CASKIN2: variants seen among roughly 807,000 people sequenced by gnomAD.
CASKIN2 encodes caskin-2.
CASKIN2 carries 41 observed loss-of-function variants against 107.1 expected under a neutral mutation model. The observed-to-expected ratio is 0.38, with a 90% CI of 0.30 to 0.50. The LOEUF is 0.50. Ranked by LOEUF, CASKIN2 falls within the 20% of genes least tolerant of loss-of-function variation. CASKIN2 has a pLI of 0.92. For synonymous variants in CASKIN2, 724 were observed against 705.6 expected, an observed-to-expected ratio of 1.03 and a Z score of -0.41; for missense variants, 1,546 against 1,657.4, an observed-to-expected ratio of 0.93 and a Z score of 1.17.
chr17:75,503,541 G>T lies in CASKIN2; in HGVS notation c.1681-14C>A, dbSNP rs375880377. Reference sequence around the variant, plus strand: ...CAGCAGGTCCGTCTGGAAGAGCACCGTCCTCAGAACAACTCCCAGCCAGCC... The same window carrying T: ...CAGCAGGTCCGTCTGGAAGAGCACCTTCCTCAGAACAACTCCCAGCCAGCC... On this transcript the variant is annotated splice_polypyrimidine_tract_variant and intron_variant, in intron 16 of 19. Transcript: ENST00000321617. The T allele has an allele frequency of 6.2e-7, 1 of 1,606,016 alleles. No homozygotes were observed. The highest frequency in any genetic ancestry group is 1.7e-5 in the Admixed American group (1 of 59,918).
At position 75,506,820 on chromosome 17, in the gene CASKIN2, G is replaced by A. The variant is rs1279226244; in HGVS notation, c.465C>T (p.Ala155=). 25 of 1,613,654 alleles carry A rather than the reference G, an allele frequency of 1.5e-5. No homozygotes were observed. Among genetic ancestry groups the A allele is most frequent in the Non-Finnish European group, 1.9e-5 (22 of 1,179,956 alleles). ...NKAKKTPLDL[A]CEFGRLKVAQ... is the part of the protein sequence containing the mutation. ...TCACCTTGAGTCGGCCAAATTCACA[G>A]GCCAGGTCCAGGGGCGTCTTCTTGG... Residue 155 remains alanine, a synonymous_variant, in exon 6 of 20, where the codon GCC becomes GCT. Transcript: ENST00000321617. This position sits in a 1 kb window ranked among gnomAD's most constrained non-coding sequence, Gnocchi z 4.8.
Position 75,503,505 on chromosome 17 carries a change from C to T in CASKIN2, c.1703G>A (p.Cys568Tyr), listed in dbSNP as rs1292765064. The T allele has an allele frequency of 1.9e-6, 3 of 1,611,314 alleles. No individual in the cohort carries two copies. Among genetic ancestry groups the T allele is most frequent in the Non-Finnish European group, 2.5e-6 (3 of 1,179,674 alleles). The change falls in exon 17 of 20, where the codon TGT becomes TAT. Residue 568 changes from cysteine to tyrosine, a missense_variant. This residue lies in a region of CASKIN2 where 1,311 missense variants were observed against 1,311.0 expected (regional missense o/e 1.00). Transcript: ENST00000321617. ...YIPTDLLEWL[C>Y]ALGLPQYHKQ... ...GTGGTACTGTGGCAGCCCCAGTGCA[C>T]ACAGCCACTCCAGCAGGTCCGTCTG...
In CASKIN2 at chr17:75,505,207, C is replaced by T. The variant is rs1348044363; in HGVS notation, c.931-134G>A. On this transcript the variant is annotated intron_variant, in intron 10 of 19. Coordinates refer to ENST00000321617, the MANE Select transcript of CASKIN2 (RefSeq NM_020753.5). The surrounding 1 kb of genome is among the most constrained non-coding windows in gnomAD (Gnocchi z 5.1). ...CCCCTAAGGAGCTGGCCTCTGATGCCCACACTGGCCCAAGTTCCGCCCCTG... is the reference window on the plus strand; with the variant it reads ...CCCCTAAGGAGCTGGCCTCTGATGCTCACACTGGCCCAAGTTCCGCCCCTG... 1 of 990,506 alleles carries T rather than the reference C, an allele frequency of 1.0e-6. No homozygotes were observed. Among genetic ancestry groups the T allele is most frequent in the African/African-American group, 1.6e-5 (1 of 62,658 alleles). The allele number at this position is 990,506 out of a possible 1,614,324, so 61.4% of individuals were successfully genotyped here.
chr17:75,502,903 G>A lies in CASKIN2; in HGVS notation c.2171C>T (p.Pro724Leu). 1 of 1,547,788 alleles carries A rather than the reference G, an allele frequency of 6.5e-7. No homozygotes were observed. Among genetic ancestry groups the A allele is most frequent in the Non-Finnish European group, 8.7e-7 (1 of 1,146,268 alleles). The change falls in exon 18 of 20, where the codon CCC becomes CTC. Residue 724 changes from proline (P) to leucine (L), a missense_variant. Physicochemically the swap from Pro to Leu is moderately conservative, Grantham distance 98. Coordinates refer to ENST00000321617, the MANE Select transcript of CASKIN2 (RefSeq NM_020753.5). The surrounding 1 kb of genome is among the most constrained non-coding windows in gnomAD (Gnocchi z 4.3). ...QPAPQPSGGDPSPPQERNLPE... is the reference protein window; with the variant it reads ...QPAPQPSGGDLSPPQERNLPE... ...GAGGTTCCTCTCCTGGGGGGGGCTG[G>A]GATCTCCACCGCTGGGCTGTGGGGC...
chr17:75,514,237 T>C, intron 1 of CASKIN2, 29 bp from the exon 2 acceptor site: 1 of 433,902 alleles, frequency 2.3e-6, no homozygotes. Context: ...CTCTGTCGAA[T>C]GCTGGGCCAC....
At position 75,503,877 on chromosome 17, in the gene CASKIN2, G is replaced by A. The variant is rs775216039; in HGVS notation, c.1553C>T (p.Pro518Leu). ...CTCAGGTGTCATGCGGCTGATGGTA[G>A]GCACATCATAGCCGGCCTGCAGAAA... ...AHFLQAGYDV[P>L]TISRMTPEDL... Residue 518 changes from proline (P) to leucine (L), a missense_variant, in exon 15 of 20, where the codon CCT (proline) becomes CTT (leucine). This residue lies in a region of CASKIN2 where 1,311 missense variants were observed against 1,311.0 expected (regional missense o/e 1.00). Coordinates refer to ENST00000321617, the MANE Select transcript of CASKIN2 (RefSeq NM_020753.5). 3.7e-6 allele frequency: 6 copies of A among 1,612,692 alleles called. No individual in the cohort carries two copies. In the East Asian group the frequency reaches 1.1e-4, roughly 30 times the overall value.
chr17:75,501,337 C>T (rs1200434736), intron 19 of CASKIN2, 131 bp downstream of exon 19: 4 of 1,237,028 alleles, frequency 3.2e-6, no homozygotes, highest in Non-Finnish European at 4.6e-6. Flanking sequence ...TAGGTGATTT[C>T]AACACCTGGC....
intron 2 of CASKIN2, among the ~76,000 whole-genome samples, chr17:75,512,561 C>CAA (rs1256934540): frequency 2.0e-5 from 3 of 152,160 alleles, no homozygotes; most frequent in Non-Finnish European, 4.4e-5. Flanking sequence ...GAAACTTTAG[C>CAA]AACTTGTTAG....
Position 75,514,070 on chromosome 17 carries a change from G to C in CASKIN2, c.-266C>G, listed in dbSNP as rs1598471373. 1 of 578,648 alleles carries C rather than the reference G, an allele frequency of 1.7e-6. No homozygotes were observed. The highest frequency in any genetic ancestry group is 2.8e-5 in the East Asian group (1 of 35,628). The allele number at this position is 578,648 out of a possible 1,614,324, so 35.8% of individuals were successfully genotyped here. A position where few individuals can be genotyped will look rare whatever the true frequency, so the allele number is the denominator to read the frequency against. ...GAAATCTGGATGGATATCAGCTTGT[G>C]GCTTCCGACAGCTCCAGGATGGGCT... On this transcript the variant is annotated 5_prime_UTR_variant, in exon 2 of 20. Coordinates refer to ENST00000321617, the MANE Select transcript of CASKIN2 (RefSeq NM_020753.5).
rs777200616 is a variant in CASKIN2, at chr17:75,504,832, C to T, written c.1172G>A (p.Gly391Asp). 5.0e-6 allele frequency: 8 copies of T among 1,610,908 alleles called. No individual in the cohort carries two copies. Among genetic ancestry groups the T allele is most frequent in the Non-Finnish European group, 6.8e-6 (8 of 1,179,166 alleles). ...TGTACCTGGGCTGTCTGGGCTGAGG[C>T]CCACCCGAGGAAGCTGGCTGTAGGT... ...PLTYSQLPRV[G>D]LSPDSPAGDR... Residue 391 changes from glycine to aspartate, a missense_variant, in exon 11 of 20, where the codon GGC (glycine) becomes GAC (aspartate). This residue lies in a region of CASKIN2 where 1,311 missense variants were observed against 1,311.0 expected (regional missense o/e 1.00). Coordinates refer to ENST00000321617, the MANE Select transcript of CASKIN2 (RefSeq NM_020753.5).
In CASKIN2 at chr17:75,507,469, T is replaced by C. The variant is rs1203410602; in HGVS notation, c.244+115A>G. The C allele has an allele frequency of 1.2e-5, 9 of 760,096 alleles. No homozygotes were observed. The East Asian group carries it at 2.4e-4, about 20-fold the overall frequency. The allele number at this position is 760,096 out of a possible 1,614,324, so 47.1% of individuals were successfully genotyped here. A position where few individuals can be genotyped will look rare whatever the true frequency, so the allele number is the denominator to read the frequency against. On this transcript the variant is annotated intron_variant, in intron 4 of 19. Coordinates refer to ENST00000321617, the MANE Select transcript of CASKIN2 (RefSeq NM_020753.5). ...AAGCCACTTGCAAGCCCAGAGACGC[T>C]GTGCTAGCATCTATTAGCATTGCTA...
chr17:75,506,566 G>A lies in CASKIN2; in HGVS notation c.617+17C>T, dbSNP rs1160872111. The stretch of plus-strand genomic sequence containing the variant: ...CCGCAGGCAGGTGATGAGGAAGCGA[G>A]GGGACCCCAAGGGTACCTGATGACT... On this transcript the variant is annotated intron_variant, in intron 7 of 19. Transcript: ENST00000321617. The surrounding 1 kb of genome is among the most constrained non-coding windows in gnomAD (Gnocchi z 4.8). The A allele has an allele frequency of 3.1e-6, 5 of 1,611,304 alleles. No homozygotes were observed. The highest frequency in any genetic ancestry group is 4.2e-6 in the Non-Finnish European group (5 of 1,178,868).
At chr17:75,514,330 C>T in intron 1 of CASKIN2, 122 bp from the exon 2 acceptor site, 1 of 398,762 alleles carries the variant, frequency 2.5e-6, no homozygotes. Flanking sequence ...CCTGGCTCCC[C>T]TCGGAGTCGA....
chr17:75,514,385 T>G (rs2053338925), intron 1 of CASKIN2, among the ~76,000 whole-genome samples, 177 bp from the exon 2 acceptor site: 1 of 148,762 alleles, frequency 6.7e-6, no homozygotes. Context: ...CTGCTATGCA[T>G]GAGAGGAGTA....
rs746479206 is a variant in CASKIN2 at position 75,502,748 on chromosome 17, A to T, written c.2326T>A (p.Trp776Arg). The T allele has an allele frequency of 7.5e-6, 12 of 1,591,240 alleles. No individual in the cohort carries two copies. In the South Asian group the frequency reaches 1.3e-4, roughly 18 times the overall value. ...GGCCCGGCCAAGTAGGAGAAGGCCCAGGGTGCGCCAGGAGGTGGCCCTGGG... is the reference window on the plus strand; with the variant it reads ...GGCCCGGCCAAGTAGGAGAAGGCCCTGGGTGCGCCAGGAGGTGGCCCTGGG... Reference protein sequence around the residue: ...PAPGPPPGAPWAFSYLAGPPA... With the variant: ...PAPGPPPGAPRAFSYLAGPPA... The change falls in exon 18 of 20, where the codon TGG becomes AGG. Residue 776 changes from tryptophan to arginine, a missense_variant. Trp to Arg is a moderately radical substitution (Grantham distance 101, BLOSUM62 -3). This residue lies in a region of CASKIN2 where 1,311 missense variants were observed against 1,311.0 expected (regional missense o/e 1.00). Transcript: ENST00000321617. The surrounding 1 kb of genome is among the most constrained non-coding windows in gnomAD (Gnocchi z 4.3).
Position 75,501,180 on chromosome 17 carries a change from G to C in CASKIN2, c.3519-10C>G. ...GGAGGCGCTGGGGGTGCTGCAGCAAGGGGAAGGATGCGGTCAGATCAGCCA... is the reference window on the plus strand; with the variant it reads ...GGAGGCGCTGGGGGTGCTGCAGCAACGGGAAGGATGCGGTCAGATCAGCCA... On this transcript the variant is annotated splice_polypyrimidine_tract_variant and intron_variant, in intron 19 of 19. Transcript: ENST00000321617. 1.3e-6 allele frequency: 2 copies of C among 1,575,780 alleles called. No homozygotes were observed. The highest frequency in any genetic ancestry group is 1.7e-6 in the Non-Finnish European group (2 of 1,160,638).
In CASKIN2 at chr17:75,506,948, G is replaced by A; in HGVS notation, c.390+36C>T. Reference sequence around the variant, plus strand: ...CCTGGCCTGTCCGGCACCCCACCCTGCCCTGCGCCACGCCCCTGTGGGCAG... The same window carrying A: ...CCTGGCCTGTCCGGCACCCCACCCTACCCTGCGCCACGCCCCTGTGGGCAG... On this transcript the variant is annotated intron_variant, in intron 5 of 19. Coordinates refer to ENST00000321617, the MANE Select transcript of CASKIN2 (RefSeq NM_020753.5). The surrounding 1 kb of genome is among the most constrained non-coding windows in gnomAD (Gnocchi z 4.8). The A allele has an allele frequency of 6.2e-7, 1 of 1,612,560 alleles. No individual in the cohort carries two copies. Among genetic ancestry groups the A allele is most frequent in the South Asian group, 1.1e-5 (1 of 91,004 alleles).
Position 75,503,177 on chromosome 17 carries a change from T to C in CASKIN2, c.1897A>G (p.Ser633Gly). ...TTGGCCAGCCGGCGCCCGCCTTCGCTGAGGGCCTCCCCCTGCAGCAGGCCC... is the reference window on the plus strand; with the variant it reads ...TTGGCCAGCCGGCGCCCGCCTTCGCCGAGGGCCTCCCCCTGCAGCAGGCCC... Reference protein sequence around the residue: ...RRGLLQGEALSEGGRRLAKGP... With the variant: ...RRGLLQGEALGEGGRRLAKGP... Residue 633 changes from serine to glycine, a missense_variant, in exon 18 of 20, where the codon AGC becomes GGC. Transcript: ENST00000321617. 3 of 1,602,732 alleles carry C rather than the reference T, an allele frequency of 1.9e-6. No individual in the cohort carries two copies. Among genetic ancestry groups the C allele is most frequent in the South Asian group, 2.2e-5 (2 of 90,166 alleles).
rs1211462172 is a variant in CASKIN2 at position 75,501,188 on chromosome 17, AT to A, written c.3519-19del. 6.4e-7 allele frequency: 1 copy of A among 1,564,782 alleles called. No homozygotes were observed. Among genetic ancestry groups the A allele is most frequent in the Non-Finnish European group, 8.7e-7 (1 of 1,154,290 alleles). ...TGGGGGTGCTGCAGCAAGGGGAAGG[AT>A]GCGGTCAGATCAGCCAGTGGCCTGC... On this transcript the variant is annotated intron_variant, in intron 19 of 19. Transcript: ENST00000321617.
Sources: gnomAD v4.1 joint callset for allele counts (sites outside exome capture counted in the v4.1 genomes callset) on GRCh38, gnomAD v4.1.1 for gene constraint, gnomAD v4.1.1 regional missense constraint, Gnocchi (gnomAD v3.1) non-coding constraint, MANE v1.5 for transcripts, NCBI Gene and HGNC (gene_info 2026-07-23, HGNC 2026-07-21) for gene names.